Variants in PDE1C observed in about 807,000 individuals in gnomAD.
The protein encoded by PDE1C is dual specificity calcium/calmodulin-dependent 3',5'-cyclic nucleotide phosphodiesterase 1C.
A neutral mutation model predicts 93.1 loss-of-function variants in PDE1C; 62 were observed. The ratio of observed to expected loss-of-function variants is 0.67; its 90% CI spans 0.54 to 0.82. The LOEUF is 0.82. Among genes scored for constraint, PDE1C ranks in the 40% least tolerant of loss-of-function variants. The pLI is 0.00. For synonymous variants in PDE1C, 325 were observed against 310.1 expected (o/e 1.05, Z -0.50); for missense variants, 742 against 884.6 (o/e 0.84, Z 2.04).
rs543573486 is a variant in PDE1C at position 31,899,418 on chromosome 7, G to C, written c.129-18558C>G. Reference sequence around the variant, plus strand: ...CTCCCAAAGTGCTGGGATTACAGGCGTAAGTAAGCCACTGCGCCCGGCCGG... The same window carrying C: ...CTCCCAAAGTGCTGGGATTACAGGCCTAAGTAAGCCACTGCGCCCGGCCGG... On this transcript the variant is annotated intron_variant, in intron 2 of 17. Coordinates refer to ENST00000396191, the MANE Select transcript of PDE1C (RefSeq NM_001191057.4). 2.1e-3 allele frequency among the ~76,000 whole-genome samples: 325 copies of C among 152,142 alleles called. 4 individuals carry two copies. Among genetic ancestry groups the C allele is most frequent in the Admixed American group, 2.9e-3 (44 of 15,274 alleles).
chr7:32,319,979 C>T (rs1217621325), intron 1 of PDE1C, among the ~76,000 whole-genome samples: 1 of 152,096 alleles, frequency 6.6e-6, no homozygotes, highest in Non-Finnish European at 1.5e-5. Context: ...GTCCCAGAGT[C>T]CCACGGTCTT....
rs1420945605 is a variant in PDE1C at position 31,823,113 on chromosome 7, C to T, written c.1542G>A (p.Val514=). Residue 514 remains valine (V), a synonymous_variant, in exon 14 of 18, where the codon GTG becomes GTA. Coordinates refer to ENST00000396191, the MANE Select transcript of PDE1C (RefSeq NM_001191057.4). ...CCCTCCATCTCTCCCGATTGATGTG[C>T]ACCACTTCCGTCCAAGTAGCTTTAA... The part of the protein sequence containing the change: ...KSFKATWTEV[V]HINRERWRAK... 1 of 1,613,068 alleles carries T rather than the reference C, an allele frequency of 6.2e-7. No homozygotes were observed. The highest frequency in any genetic ancestry group is 8.5e-7 in the Non-Finnish European group (1 of 1,179,364).
At chr7:32,367,566 G>A (rs1292326361) in intron 1 of PDE1C, among the ~76,000 whole-genome samples, 5 of 152,140 alleles carry the variant, frequency 3.3e-5, no homozygotes, top group Non-Finnish European at 4.4e-5. Context: ...GATGAAAAAC[G>A]ATATTCCAGG....
chr7:31,695,376 C>G, the PDE1C span: 1 of 1,183,154 alleles, frequency 8.5e-7, no homozygotes, highest in Non-Finnish European at 1.2e-6. Context: ...TCACCTCTGT[C>G]CTGTCATCAA....
intron 1 of PDE1C, among the ~76,000 whole-genome samples, chr7:32,412,487 T>C (rs935699696): frequency 6.7e-6 from 1 of 149,002 alleles, no homozygotes; most frequent in African/African-American, 2.5e-5. Flanking sequence ...AGCAAACACA[T>C]AAATCAGTAA....
intron 2 of PDE1C, among the ~76,000 whole-genome samples, chr7:31,919,766 A>G (rs535278416): frequency 6.6e-5 from 10 of 152,324 alleles, no homozygotes; most frequent in Admixed American, 5.9e-4. Flanking sequence ...GCCTAGGGGA[A>G]AATCCAGTCC....
At chr7:31,814,080 G>GTA (rs1428454525) in intron 15 of PDE1C, among the ~76,000 whole-genome samples, 3 of 137,028 alleles carry the variant, frequency 2.2e-5, no homozygotes, top group Non-Finnish European at 4.8e-5. Context: ...GCATATATAT[G>GTA]TACACACACA....
At position 32,030,078 on chromosome 7, in the gene PDE1C, A is replaced by AACACACACACAC. The variant is rs376919544; in HGVS notation, c.128+21464_128+21475dup. On this transcript the variant is annotated intron_variant, in intron 2 of 17. Coordinates refer to ENST00000396191, the MANE Select transcript of PDE1C (RefSeq NM_001191057.4). ...CAAGTTGCTGAAAAATGCATATTAT[A>AACACACACACAC]ACACACACACACACACACACACACA... Among the ~76,000 whole-genome samples the AACACACACACAC allele has an allele frequency of 7.7e-4, 103 of 134,076 alleles. No individual in the cohort carries two copies. The East Asian group carries it at 9.4e-3, about 12-fold the overall frequency. 88.0% of individuals were successfully genotyped at this position (134,076 alleles called of 152,430 possible). A position where few individuals can be genotyped will look rare whatever the true frequency, so the allele number is the denominator to read the frequency against.
At chr7:32,387,154 T>G (rs1784645181) in intron 1 of PDE1C, among the ~76,000 whole-genome samples, 1 of 151,282 alleles carries the variant, frequency 6.6e-6, no homozygotes, top group Admixed American at 6.6e-5. Flanking sequence ...TAACCCTGAG[T>G]GGACACAGCA....
intron 17 of PDE1C, among the ~76,000 whole-genome samples, chr7:31,760,008 A>T (rs186884167): frequency 6.6e-6 from 1 of 152,260 alleles, no homozygotes; most frequent in Admixed American, 6.5e-5. Context: ...ACATTTATTC[A>T]TATATCAAAT....
chr7:31,937,307 G>T (rs1360590569), intron 2 of PDE1C, among the ~76,000 whole-genome samples: 1 of 152,156 alleles, frequency 6.6e-6, no homozygotes, highest in Non-Finnish European at 1.5e-5. Context: ...GAAATATATT[G>T]TGGGGTAAAA....
chr7:32,243,437 A>G (rs148382682), intron 1 of PDE1C, among the ~76,000 whole-genome samples: 2 of 152,280 alleles, frequency 1.3e-5, no homozygotes, highest in African/African-American at 4.8e-5. Flanking sequence ...GGTGAAAATT[A>G]TCTGTGGTTT....
At chr7:31,872,953 C>T (rs935359491) in intron 6 of PDE1C, among the ~76,000 whole-genome samples, 1 of 152,074 alleles carries the variant, frequency 6.6e-6, no homozygotes, top group Non-Finnish European at 1.5e-5. Context: ...CCTCTGACAG[C>T]GTTGGTCAAT....
chr7:31,647,444 C>A, the PDE1C span, among the ~76,000 whole-genome samples: 3 of 151,476 alleles, frequency 2.0e-5, no homozygotes, highest in South Asian at 2.1e-4. Flanking sequence ...GGTGGATCAC[C>A]TGAGGTTAGG....
chr7:31,780,776 C>T lies in PDE1C; in HGVS notation c.1892-5044G>A, dbSNP rs181687492. On this transcript the variant is annotated intron_variant, in intron 16 of 17. Coordinates refer to ENST00000396191, the MANE Select transcript of PDE1C (RefSeq NM_001191057.4). Reference sequence around the variant, plus strand: ...AGAAAGGTGTGTGTATGTGCATGTGCGCATGCGTGTGTGTGCACGTGTGCA... The same window carrying T: ...AGAAAGGTGTGTGTATGTGCATGTGTGCATGCGTGTGTGTGCACGTGTGCA... 2.0e-3 allele frequency among the ~76,000 whole-genome samples: 304 copies of T among 148,564 alleles called. 1 individual carries two copies. Among genetic ancestry groups the T allele is most frequent in the African/African-American group, 6.7e-3 (273 of 40,788 alleles).
intron 14 of PDE1C, among the ~76,000 whole-genome samples, chr7:31,816,986 T>C (rs1326523055): frequency 6.6e-6 from 1 of 152,206 alleles, no homozygotes; most frequent in Non-Finnish European, 1.5e-5. Flanking sequence ...GGTTCACTCA[T>C]CCAACTCATA....
At chr7:31,734,055 GAAGTA>G in the PDE1C span, among the ~76,000 whole-genome samples, 1 of 151,972 alleles carries the variant, frequency 6.6e-6, no homozygotes, top group African/African-American at 2.4e-5. Context: ...GGATCTTAAA[GAAGTA>G]ATAAAACTAC....
the PDE1C span, among the ~76,000 whole-genome samples, chr7:31,621,152 G>C: frequency 6.6e-6 from 1 of 150,790 alleles, no homozygotes; most frequent in Non-Finnish European, 1.5e-5. Context: ...GAAAGTGATG[G>C]GGAGAATGGA....
chr7:32,144,232 T>C (rs1050201370), intron 3 of PDE1C, among the ~76,000 whole-genome samples: 1 of 152,116 alleles, frequency 6.6e-6, no homozygotes, highest in African/African-American at 2.4e-5. Context: ...GGGGCTCAAA[T>C]GAAGCCACCA....
Sources: allele counts gnomAD v4.1 joint callset (sites outside exome capture counted in the v4.1 genomes callset), GRCh38; gene constraint gnomAD v4.1.1; transcripts MANE v1.5; gene names NCBI Gene and HGNC (gene_info 2026-07-23, HGNC 2026-07-21).